Variants in TRPM7 observed in about 807,000 individuals in gnomAD.
The protein encoded by TRPM7 is LTRPC ion channel family member 7.
TRPM7 carries 134 observed loss-of-function variants against 229.7 expected under a neutral mutation model. The ratio of observed to expected loss-of-function variants is 0.58; its 90% CI spans 0.51 to 0.67. The LOEUF is 0.67. TRPM7 is among the 30% of genes least tolerant of loss of function. The probability of loss-of-function intolerance (pLI) is 0.00; values close to 1 mark genes in which losing one functional copy is unlikely to be tolerated. For synonymous variants in TRPM7, 699 were observed against 715.2 expected (o/e 0.98, Z 0.36); for missense variants, 1,901 against 2,210.0 (o/e 0.86, Z 2.80).
intron 1 of TRPM7, among the ~76,000 whole-genome samples, chr15:50,673,816 T>C (rs1297235768): frequency 6.6e-6 from 1 of 152,194 alleles, no homozygotes; most frequent in Admixed American, 6.6e-5. Context: ...CTGTATCAAA[T>C]GGTATCCTAA....
intron 23 of TRPM7, among the ~76,000 whole-genome samples, chr15:50,595,656 T>C (rs2059612821): frequency 6.6e-6 from 1 of 150,782 alleles, no homozygotes; most frequent in Non-Finnish European, 1.5e-5. Context: ...AGGCCAGGAG[T>C]TTGAGTCCAG....
At chr15:50,686,383 C>G (rs1043741791) in intron 1 of TRPM7, 148 bp downstream of exon 1, 5 of 1,357,636 alleles carry the variant, frequency 3.7e-6, no homozygotes, top group South Asian at 2.4e-5. Context: ...ACACCCGTCC[C>G]GAGAGGACAA....
At position 50,574,234 on chromosome 15, in the gene TRPM7, ACT is replaced by A. The variant is rs747045271; in HGVS notation, c.5308+38_5308+39del. 3 of 1,449,062 alleles carry A rather than the reference ACT, an allele frequency of 2.1e-6. No individual in the cohort carries two copies. In the African/African-American group the frequency reaches 4.2e-5, roughly 20 times the overall value. The allele number at this position is 1,449,062 out of a possible 1,614,324, so 89.8% of individuals were successfully genotyped here. On this transcript the variant is annotated intron_variant, in intron 36 of 38. Coordinates refer to ENST00000646667, the MANE Select transcript of TRPM7 (RefSeq NM_017672.6). ...ATAACATATGAATAGGTGAGAACCT[ACT>A]GCAGAATTTCACCTTAGCAATATTT...
In TRPM7 at chr15:50,592,490, G is replaced by C. The variant is rs781040784; in HGVS notation, c.3745C>G (p.Leu1249Val). 6.2e-7 allele frequency: 1 copy of C among 1,614,128 alleles called. No individual in the cohort carries two copies. The highest frequency in any genetic ancestry group is 8.5e-7 in the Non-Finnish European group (1 of 1,180,036). The change falls in exon 26 of 39, where the codon CTC (leucine) becomes GTC (valine). Residue 1249 changes from leucine to valine, a missense_variant. Coordinates refer to ENST00000646667, the MANE Select transcript of TRPM7 (RefSeq NM_017672.6). ...SALTVDTLKT[L>V]TAQKASEASK... ...GCTTCCGACGCTTTCTGGGCAGTGA[G>C]TGTTTTTAATGTATCTACCGTCAGG...
chr15:50,619,814 G>T lies in TRPM7; in HGVS notation c.1441-16C>A. 6.3e-7 allele frequency: 1 copy of T among 1,590,814 alleles called. No individual in the cohort carries two copies. The highest frequency in any genetic ancestry group is 8.5e-7 in the Non-Finnish European group (1 of 1,172,060). On this transcript the variant is annotated splice_polypyrimidine_tract_variant and intron_variant, in intron 12 of 38. Coordinates refer to ENST00000646667, the MANE Select transcript of TRPM7 (RefSeq NM_017672.6). ...GACCTTGTTTCTTTAGGGAGAAAAA[G>T]TTACAGCAAACTATTATTTTTCTTC...
chr15:50,635,226 G>A (rs992562227), intron 7 of TRPM7, among the ~76,000 whole-genome samples: 3 of 148,880 alleles, frequency 2.0e-5, no homozygotes, highest in African/African-American at 7.4e-5. Context: ...GCTGAGGCAG[G>A]AGAATCACCT....
chr15:50,611,324 A>G lies in TRPM7; in HGVS notation c.2052-3T>C, dbSNP rs1211490662. The stretch of plus-strand genomic sequence containing the variant: ...CAACGGCCAACTGACCAAAATCACT[A>G]TAAAAAGATAAAAGCCAAAATATAC... On this transcript the variant is annotated splice_polypyrimidine_tract_variant and splice_region_variant and intron_variant, in intron 16 of 38. Coordinates refer to ENST00000646667, the MANE Select transcript of TRPM7 (RefSeq NM_017672.6). 16 of 1,608,632 alleles carry G rather than the reference A, an allele frequency of 9.9e-6. No individual in the cohort carries two copies. Among genetic ancestry groups the G allele is most frequent in the African/African-American group, 4.0e-5 (3 of 74,676 alleles).
rs2060779193 is a variant in TRPM7, at chr15:50,632,868, C to T, written c.1131+1G>A. The T allele has an allele frequency of 6.6e-7, 1 of 1,520,500 alleles. No individual in the cohort carries two copies. The highest frequency in any genetic ancestry group is 1.3e-5 in the South Asian group (1 of 75,022). The allele number at this position is 1,520,500 out of a possible 1,614,324, so 94.2% of individuals were successfully genotyped here. ...TTAAATTTCTGCTGAAATCTACTTACAAGCTCCTTTCTTTTCATGCACTCC... is the reference window on the plus strand; with the variant it reads ...TTAAATTTCTGCTGAAATCTACTTATAAGCTCCTTTCTTTTCATGCACTCC... On this transcript the variant is annotated splice_donor_variant, in intron 9 of 38. Coordinates refer to ENST00000646667, the MANE Select transcript of TRPM7 (RefSeq NM_017672.6). LOFTEE classifies it high-confidence loss of function.
rs1342721955 is a variant in TRPM7 at position 50,607,189 on chromosome 15, T to C, written c.2709+11A>G. 1 of 1,593,106 alleles carries C rather than the reference T, an allele frequency of 6.3e-7. No individual in the cohort carries two copies. Among genetic ancestry groups the C allele is most frequent in the African/African-American group, 1.4e-5 (1 of 73,596 alleles). ...CAGTAAATTATTGGTAGAAAAAAAC[T>C]AAAGACATACCTCACGGACTTTCTC... On this transcript the variant is annotated intron_variant, in intron 20 of 38. Coordinates refer to ENST00000646667, the MANE Select transcript of TRPM7 (RefSeq NM_017672.6).
At chr15:50,614,578 T>C (rs565390049) in intron 13 of TRPM7, among the ~76,000 whole-genome samples, 2 of 150,448 alleles carry the variant, frequency 1.3e-5, no homozygotes, top group African/African-American at 2.5e-5. Flanking sequence ...GGCAGGAGAA[T>C]TGCTTGAACT....
intron 26 of TRPM7, among the ~76,000 whole-genome samples, chr15:50,590,851 T>C (rs907812371): frequency 2.0e-5 from 3 of 150,864 alleles, no homozygotes; most frequent in African/African-American, 7.3e-5. Flanking sequence ...AGGGGGAATA[T>C]ATTTAACGTA....
chr15:50,602,954 AC>A (rs571761953), intron 21 of TRPM7, among the ~76,000 whole-genome samples: 234 of 152,286 alleles, frequency 1.5e-3, no homozygotes, highest in Admixed American at 2.4e-3. Flanking sequence ...GTAACTAGAC[AC>A]CACTGAGTCA....
chr15:50,626,798 TA>T (rs10589676), intron 11 of TRPM7, among the ~76,000 whole-genome samples: 10,741 of 148,250 alleles, frequency 0.072, 608 homozygotes, highest in African/African-American at 0.16. Context: ...TTCCCATGGT[TA>T]AAAAAAAAAA....
intron 38 of TRPM7, among the ~76,000 whole-genome samples, chr15:50,564,560 T>A (rs1013809183): frequency 1.3e-4 from 20 of 151,594 alleles, no homozygotes; most frequent in East Asian, 3.9e-4. Flanking sequence ...TTTATTTTTT[T>A]AAAAAAAAGG....
At chr15:50,608,079 G>GAAAGA (rs1322710575) in intron 19 of TRPM7, among the ~76,000 whole-genome samples, 2 of 145,558 alleles carry the variant, frequency 1.4e-5, no homozygotes, top group East Asian at 2.0e-4. Flanking sequence ...AAGAAAGAAA[G>GAAAGA]AAAGAAAAGA....
Position 50,613,786 on chromosome 15 carries a change from G to A in TRPM7, c.1691C>T (p.Ser564Phe). ...STPQLRKSHESFGNRADKKEK... is the reference protein window; with the variant it reads ...STPQLRKSHEFFGNRADKKEK... ...CTTTTTATCTGCCCTATTGCCAAAA[G>A]ATTCATGACTCTTTCGCAACTGAGG... Residue 564 changes from serine (S) to phenylalanine (F), a missense_variant, in exon 15 of 39, where the codon TCT (serine) becomes TTT (phenylalanine). Around this residue, in one of 8 missense-constraint regions of TRPM7, gnomAD observed 794 missense variants for 881.9 expected, o/e 0.90. Coordinates refer to ENST00000646667, the MANE Select transcript of TRPM7 (RefSeq NM_017672.6). 2 of 1,613,946 alleles carry A rather than the reference G, an allele frequency of 1.2e-6. No homozygotes were observed. Among genetic ancestry groups the A allele is most frequent in the Non-Finnish European group, 1.7e-6 (2 of 1,179,966 alleles).
At position 50,557,406 on chromosome 15, in the gene TRPM7, G is replaced by C. The variant is rs558013644; in HGVS notation, c.*4272C>G. ...CCCTCTGTGAAGCATATAATCTAGT[G>C]GGGTAGACTGCTAGCTACTAACTAT... is the stretch of plus-strand genomic sequence containing the variant. On this transcript the variant is annotated 3_prime_UTR_variant, in exon 39 of 39. Transcript: ENST00000646667. 26 of 152,256 alleles carry C rather than the reference G, an allele frequency of 1.7e-4. No individual in the cohort carries two copies. The East Asian group carries it at 5.0e-3, about 29-fold the overall frequency. The allele number at this position is 152,256 out of a possible 1,614,324, so 9.4% of individuals were successfully genotyped here. A position where few individuals can be genotyped will look rare whatever the true frequency, so the allele number is the denominator to read the frequency against.
At chr15:50,568,689 C>T (rs1257044190) in intron 38 of TRPM7, among the ~76,000 whole-genome samples, 3 of 152,008 alleles carry the variant, frequency 2.0e-5, no homozygotes, top group Non-Finnish European at 4.4e-5. Flanking sequence ...CAAAAATACA[C>T]AAGGGCTGGG....
intron 1 of TRPM7, among the ~76,000 whole-genome samples, chr15:50,665,605 A>AT (rs2061859646): frequency 6.6e-6 from 1 of 152,116 alleles, no homozygotes; most frequent in Admixed American, 6.6e-5. Flanking sequence ...TTAGAAGTGA[A>AT]TAATAGTGAA....
Sources: gnomAD v4.1 joint callset for allele counts (sites outside exome capture counted in the v4.1 genomes callset) on GRCh38, gnomAD v4.1.1 for gene constraint, gnomAD v4.1.1 regional missense constraint, MANE v1.5 for transcripts, NCBI Gene and HGNC (gene_info 2026-07-23, HGNC 2026-07-21) for gene names.